SGMS1: variants seen among roughly 807,000 people sequenced by gnomAD.
The protein encoded by SGMS1 is sphingomyelin synthase 1, also known as phosphatidylcholine:ceramide cholinephosphotransferase 1.
SGMS1 carries 13 observed loss-of-function variants against 46.2 expected under a neutral mutation model. That is an observed-to-expected ratio of 0.28 (90% CI 0.18 to 0.45). The LOEUF is 0.45. SGMS1 is among the 20% of genes least tolerant of loss of function. The probability of loss-of-function intolerance (pLI) is 1.00; values close to 1 mark genes in which losing one functional copy is unlikely to be tolerated. For synonymous variants in SGMS1, 203 were observed against 187.8 expected (o/e 1.08, Z -0.66); for missense variants, 324 against 519.9 (o/e 0.62, Z 3.66).
At chr10:50,555,332 T>C (rs1385961304) in intron 2 of SGMS1, among the ~76,000 whole-genome samples, 1 of 152,246 alleles carries the variant, frequency 6.6e-6, no homozygotes, top group Non-Finnish European at 1.5e-5. Context: ...ATATTCTACC[T>C]AGTTCCAAAA....
chr10:50,398,992 T>C (rs951542386), intron 6 of SGMS1, among the ~76,000 whole-genome samples: 5 of 152,034 alleles, frequency 3.3e-5, no homozygotes, highest in African/African-American at 7.2e-5. Flanking sequence ...AGTAGATTAG[T>C]AGTTGCCTAG....
intron 2 of SGMS1, among the ~76,000 whole-genome samples, chr10:50,574,130 A>G (rs1359824909): frequency 6.6e-6 from 1 of 151,768 alleles, no homozygotes; most frequent in African/African-American, 2.4e-5. Context: ...TTCCTTGGAT[A>G]TAACACCAAA....
At chr10:50,327,985 A>G (rs1275131243) in intron 7 of SGMS1, 1 of 330,214 alleles carries the variant, frequency 3.0e-6, no homozygotes, top group Non-Finnish European at 5.7e-6. Context: ...AATTCCTACC[A>G]TATAGTAGGT....
intron 2 of SGMS1, among the ~76,000 whole-genome samples, chr10:50,543,457 G>A (rs759816092): frequency 2.0e-5 from 3 of 152,222 alleles, no homozygotes; most frequent in Admixed American, 6.5e-5. Flanking sequence ...GAACAAGAGC[G>A]TAGGCTAAGA....
intron 3 of SGMS1, among the ~76,000 whole-genome samples, chr10:50,472,130 G>A (rs1837384184): frequency 6.6e-6 from 1 of 151,710 alleles, no homozygotes; most frequent in Non-Finnish European, 1.5e-5. Flanking sequence ...GGAGTATAAT[G>A]TGATGTATTT....
chr10:50,315,139 ATTTAAAAATAAGTT>A (rs1371209271), intron 8 of SGMS1, among the ~76,000 whole-genome samples: 1 of 152,236 alleles, frequency 6.6e-6, no homozygotes, highest in African/African-American at 2.4e-5. Context: ...TTACCAAATT[ATTTAAAAATAAGTT>A]TACAGTGACT....
At chr10:50,472,366 C>T (rs377301110) in intron 3 of SGMS1, among the ~76,000 whole-genome samples, 14 of 152,230 alleles carry the variant, frequency 9.2e-5, no homozygotes, top group African/African-American at 2.9e-4. Context: ...ACATCCCAGC[C>T]TCTGGTAACC....
At chr10:50,364,900 C>A (rs921350113) in intron 6 of SGMS1, among the ~76,000 whole-genome samples, 1 of 152,026 alleles carries the variant, frequency 6.6e-6, no homozygotes, top group African/African-American at 2.4e-5. Context: ...GAAGCATGGC[C>A]ACTATAAATA....
chr10:50,480,696 CAG>C (rs1397706377), intron 3 of SGMS1, among the ~76,000 whole-genome samples: 3 of 152,292 alleles, frequency 2.0e-5, no homozygotes, highest in East Asian at 3.9e-4. Flanking sequence ...CAGAGCTGTG[CAG>C]ACTTTCAGTG....
intron 6 of SGMS1, among the ~76,000 whole-genome samples, chr10:50,408,502 T>C (rs1205893177): frequency 6.9e-6 from 1 of 144,628 alleles, no homozygotes; most frequent in African/African-American, 2.6e-5. Flanking sequence ...GCTAACACGG[T>C]GAAACCCCAT....
intron 2 of SGMS1, among the ~76,000 whole-genome samples, chr10:50,574,086 G>C (rs1392690806): frequency 1.3e-5 from 2 of 152,076 alleles, no homozygotes; most frequent in Non-Finnish European, 2.9e-5. Flanking sequence ...GAAAACACAG[G>C]GGGGAAGCTT....
At chr10:50,474,794 A>G (rs970069378) in intron 3 of SGMS1, among the ~76,000 whole-genome samples, 1 of 152,214 alleles carries the variant, frequency 6.6e-6, no homozygotes. Flanking sequence ...AGTGCTATCC[A>G]TTTAGTCATT....
chr10:50,372,090 A>G (rs1314893903), intron 6 of SGMS1, among the ~76,000 whole-genome samples: 2 of 152,214 alleles, frequency 1.3e-5, no homozygotes, highest in Non-Finnish European at 2.9e-5. Context: ...TCAAAGCTCC[A>G]TAAGGGAAGG....
At chr10:50,448,464 G>A (rs932623611) in intron 5 of SGMS1, among the ~76,000 whole-genome samples, 11 of 152,084 alleles carry the variant, frequency 7.2e-5, no homozygotes, top group Non-Finnish European at 1.5e-4. Flanking sequence ...TGAAAGACAG[G>A]CCAGGCACGG....
chr10:50,441,097 A>C (rs140236271), intron 5 of SGMS1, among the ~76,000 whole-genome samples: 1 of 152,330 alleles, frequency 6.6e-6, no homozygotes, highest in East Asian at 1.9e-4. Flanking sequence ...CAGTCGACAA[A>C]GTGTTAGTGG....
At chr10:50,623,626 T>G (rs890119234) in intron 1 of SGMS1, 81 bp downstream of exon 1, 13 of 984,954 alleles carry the variant, frequency 1.3e-5, no homozygotes, top group African/African-American at 1.8e-5. Context: ...CTCCCCGGCA[T>G]AAGGCCGGGC....
chr10:50,321,965 T>C (rs113476712), intron 8 of SGMS1, among the ~76,000 whole-genome samples: 2,086 of 152,324 alleles, frequency 0.014, 44 homozygotes, highest in African/African-American at 0.046. Flanking sequence ...AATCTGTGCA[T>C]TGCAGAAAAG....
intron 3 of SGMS1, among the ~76,000 whole-genome samples, chr10:50,516,887 G>A (rs1045372074): frequency 6.6e-5 from 10 of 152,158 alleles, no homozygotes; most frequent in Non-Finnish European, 1.2e-4. Context: ...AATCCCGTGA[G>A]AATATAGTGG....
chr10:50,607,727 C>T (rs996603749), intron 1 of SGMS1, among the ~76,000 whole-genome samples: 4 of 152,188 alleles, frequency 2.6e-5, no homozygotes, highest in African/African-American at 7.2e-5. Context: ...CTCCTTCAAA[C>T]AGTGCACAAA....
Sources: allele counts gnomAD v4.1 joint callset (sites outside exome capture counted in the v4.1 genomes callset), GRCh38; gene constraint gnomAD v4.1.1; transcripts MANE v1.5; gene names NCBI Gene and HGNC (gene_info 2026-07-23, HGNC 2026-07-21).